HFM1: variants seen among roughly 807,000 people sequenced by gnomAD.
The protein encoded by HFM1 is helicase for meiosis 1, also known as probable ATP-dependent DNA helicase HFM1.
HFM1 carries 169 observed loss-of-function variants against 192.1 expected under a neutral mutation model. The ratio of observed to expected loss-of-function variants is 0.88; its 90% confidence interval spans 0.78 to 1.00. The LOEUF is 1.00. HFM1 is among the 50% of genes least tolerant of loss of function. The pLI is 0.00. For synonymous variants in HFM1, 525 were observed against 537.8 expected (o/e 0.98, Z 0.33); for missense variants, 1,661 against 1,668.0 (o/e 1.00, Z 0.07).
Position 91,380,117 on chromosome 1 carries a change from A to T in HFM1, c.993T>A (p.Ile331=). 7.2e-7 allele frequency: 1 copy of T among 1,395,232 alleles called. No individual in the cohort carries two copies. Among genetic ancestry groups the T allele is most frequent in the Non-Finnish European group, 9.8e-7 (1 of 1,017,658 alleles). 86.4% of individuals were successfully genotyped at this position (1,395,232 alleles called of 1,614,324 possible). The part of the protein sequence containing the change: ...LMEVPLPWLN[I]KIVYMAPIKA... ...ATAAATACTTACTGTAAACAATTTT[A>T]ATATTCAACCATGGCAATGGTACTT... The change falls in exon 8 of 39, where the codon ATT becomes ATA. Residue 331 remains isoleucine, a synonymous_variant. Coordinates refer to ENST00000370425, the MANE Select transcript of HFM1 (RefSeq NM_001017975.6).
chr1:91,397,217 C>T (rs1027456294), intron 2 of HFM1, among the ~76,000 whole-genome samples: 1 of 152,176 alleles, frequency 6.6e-6, no homozygotes, highest in Non-Finnish European at 1.5e-5. Context: ...CATCTACAAA[C>T]TACAGAAAAA....
intron 4 of HFM1, among the ~76,000 whole-genome samples, chr1:91,388,889 T>C (rs1216778411): frequency 6.6e-6 from 1 of 152,092 alleles, no homozygotes; most frequent in Non-Finnish European, 1.5e-5. Context: ...TTGCAAATCA[T>C]ACAGATGATA....
intron 20 of HFM1, among the ~76,000 whole-genome samples, chr1:91,339,980 C>T (rs540053143): frequency 4.6e-5 from 7 of 152,194 alleles, no homozygotes; most frequent in Admixed American, 4.6e-4. Context: ...CAGCAAAAAT[C>T]CTACACGCCA....
In HFM1 at chr1:91,271,814, T is replaced by C. The variant is rs575193561; in HGVS notation, c.3772+1898A>G. On this transcript the variant is annotated intron_variant, in intron 34 of 38. Transcript: ENST00000370425. ...ACTGATCACTAAAAGTCAATTTCAT[T>C]TTATAGAAATGGCATTGGGCTGGGA... Among the ~76,000 whole-genome samples, 5 of 152,280 alleles carry C rather than the reference T, an allele frequency of 3.3e-5. No homozygotes were observed. The South Asian group carries it at 1.0e-3, about 32-fold the overall frequency.
intron 30 of HFM1, among the ~76,000 whole-genome samples, chr1:91,305,919 T>C (rs1474580509): frequency 6.6e-6 from 1 of 152,084 alleles, no homozygotes; most frequent in Non-Finnish European, 1.5e-5. Context: ...TCCAGCACAA[T>C]GTCGAATAGA....
intron 20 of HFM1, chr1:91,329,644 T>C: frequency 1.5e-6 from 1 of 652,720 alleles, no homozygotes; most frequent in South Asian, 2.1e-5. Flanking sequence ...AGCGTGACCC[T>C]TTTCAGTAGT....
chr1:91,374,805 G>A (rs191721975), intron 13 of HFM1, among the ~76,000 whole-genome samples: 1 of 152,132 alleles, frequency 6.6e-6, no homozygotes, highest in African/African-American at 2.4e-5. Flanking sequence ...ATAAATGTGG[G>A]AATTCATAGA....
chr1:91,353,652 C>CAAAA (rs1553213572), intron 13 of HFM1, among the ~76,000 whole-genome samples: 1 of 65,428 alleles, frequency 1.5e-5, no homozygotes, highest in African/African-American at 5.1e-5. Context: ...AGTAAATAAG[C>CAAAA]AAAAAAAAAA....
rs572815491 is a variant in HFM1, at chr1:91,368,972, T to C, written c.1685+6386A>G. The stretch of plus-strand genomic sequence containing the variant: ...TCCTAGTCTCTGATAAAACAGACTT[T>C]AAGCCAACAAAGATCAAAAGAGGCA... On this transcript the variant is annotated intron_variant, in intron 13 of 38. Coordinates refer to ENST00000370425, the MANE Select transcript of HFM1 (RefSeq NM_001017975.6). Among the ~76,000 whole-genome samples, 30 of 152,276 alleles carry C rather than the reference T, an allele frequency of 2.0e-4. 1 individual carries two copies. Among genetic ancestry groups the C allele is most frequent in the African/African-American group, 6.7e-4 (28 of 41,536 alleles).
chr1:91,389,780 T>C (rs1662707812), intron 4 of HFM1, among the ~76,000 whole-genome samples: 1 of 152,182 alleles, frequency 6.6e-6, no homozygotes, highest in Admixed American at 6.5e-5. Context: ...CCTCTTCACA[T>C]ACCCAGTAGG....
At chr1:91,363,549 C>T (rs1010039283) in intron 13 of HFM1, among the ~76,000 whole-genome samples, 1 of 150,200 alleles carries the variant, frequency 6.7e-6, no homozygotes, top group African/African-American at 2.4e-5. Context: ...CAGATGCTGG[C>T]GAGGTTGCAG....
At chr1:91,293,334 A>G (rs1050562044) in intron 30 of HFM1, among the ~76,000 whole-genome samples, 101 of 152,324 alleles carry the variant, frequency 6.6e-4, no homozygotes, top group African/African-American at 2.4e-3. Flanking sequence ...AGAATCTACA[A>G]AGAACTCAAA....
At chr1:91,380,054 A>ATGG (rs1340685986) in intron 8 of HFM1, 50 bp downstream of exon 8, 4 of 879,720 alleles carry the variant, frequency 4.5e-6, no homozygotes, top group Non-Finnish European at 6.4e-6. Flanking sequence ...TTTTGCTTCA[A>ATGG]TGGTTTTTCA....
At chr1:91,300,773 TG>T (rs1330495838) in intron 30 of HFM1, among the ~76,000 whole-genome samples, 2 of 152,176 alleles carry the variant, frequency 1.3e-5, no homozygotes, top group African/African-American at 4.8e-5. Context: ...TAGTTATTGA[TG>T]GGACGTATCT....
chr1:91,329,361 A>G, intron 20 of HFM1: 1 of 1,598,830 alleles, frequency 6.3e-7, no homozygotes. Context: ...CAAGAGGCTG[A>G]GTAAGAGTCA....
At chr1:91,346,238 T>C (rs1330181083) in intron 19 of HFM1, among the ~76,000 whole-genome samples, 24 of 152,346 alleles carry the variant, frequency 1.6e-4, no homozygotes, top group Admixed American at 1.6e-3. Context: ...GTATGAGCTG[T>C]GATTCTGCTA....
intron 20 of HFM1, chr1:91,328,665 C>A: frequency 5.6e-6 from 9 of 1,593,336 alleles, no homozygotes; most frequent in South Asian, 1.1e-5. Context: ...ACAAGTCAGG[C>A]GAGCTGGCCA....
intron 20 of HFM1, chr1:91,329,587 C>A: frequency 9.2e-7 from 1 of 1,088,608 alleles, no homozygotes; most frequent in Non-Finnish European, 1.3e-6. Flanking sequence ...AGAGCTACAG[C>A]TAGAGAAACC....
chr1:91,364,110 C>T (rs1288785641), intron 13 of HFM1, among the ~76,000 whole-genome samples: 3 of 151,812 alleles, frequency 2.0e-5, no homozygotes, highest in Admixed American at 6.6e-5. Flanking sequence ...ATGATTTGTA[C>T]AGCAATCCAC....
Sources: allele counts gnomAD v4.1 joint callset (sites outside exome capture counted in the v4.1 genomes callset), GRCh38; gene constraint gnomAD v4.1.1; transcripts MANE v1.5; gene names NCBI Gene and HGNC (gene_info 2026-07-23, HGNC 2026-07-21).